The following DNM3 variants were observed in gnomAD, a reference collection of about 807,000 sequenced individuals.
DNM3 encodes dynamin 3.
Under a neutral mutation model 101.6 loss-of-function variants are expected in DNM3, and 47 were observed. The observed-to-expected ratio is 0.46, with a 90% CI of 0.37 to 0.59. DNM3 has a LOEUF of 0.59. Ranked by LOEUF, DNM3 falls within the 20% of genes least tolerant of loss-of-function variation. The pLI, the probability that DNM3 is intolerant of heterozygous loss-of-function variation, is 0.00. For synonymous variants in DNM3, 385 were observed against 387.9 expected, an observed-to-expected ratio of 0.99 and a Z score of 0.09; for missense variants, 849 against 1,085.7, an observed-to-expected ratio of 0.78 and a Z score of 3.06.
intron 14 of DNM3, among the ~76,000 whole-genome samples, chr1:172,166,436 A>G (rs1163316119): frequency 3.3e-5 from 5 of 152,102 alleles, no homozygotes; most frequent in Admixed American, 2.6e-4. Context: ...TTGCCATCAT[A>G]GTGATCACAT....
chr1:172,073,312 T>C lies in DNM3; in HGVS notation c.1422+4407T>C, dbSNP rs932546641. Among the ~76,000 whole-genome samples, 5 of 152,068 alleles carry C rather than the reference T, an allele frequency of 3.3e-5. No individual in the cohort carries two copies. In the East Asian group the frequency reaches 7.7e-4, roughly 24 times the overall value. ...ATACACATATAAGTATATGTGTACA[T>C]ATTTGAACATATGTGCATATGTGTA... On this transcript the variant is annotated intron_variant, in intron 11 of 20. Transcript: ENST00000627582.
chr1:172,304,918 C>T (rs985301874), intron 15 of DNM3, among the ~76,000 whole-genome samples: 3 of 152,076 alleles, frequency 2.0e-5, no homozygotes, highest in African/African-American at 7.2e-5. Context: ...TAAATGCCCA[C>T]AAGAGAAAGC....
chr1:171,930,868 A>G (rs895272784), intron 2 of DNM3, among the ~76,000 whole-genome samples: 6 of 152,190 alleles, frequency 3.9e-5, no homozygotes, highest in African/African-American at 1.4e-4. Flanking sequence ...CCTCTCATCA[A>G]TTGTATTTCT....
intron 1 of DNM3, among the ~76,000 whole-genome samples, chr1:171,858,849 A>G (rs1364219293): frequency 1.3e-5 from 2 of 152,112 alleles, no homozygotes; most frequent in Non-Finnish European, 1.5e-5. Flanking sequence ...TACTTTCCAA[A>G]TATGTCTGAA....
rs111654214 is a variant in DNM3 at position 172,016,452 on chromosome 1, C to T, written c.590-15950C>T. Among the ~76,000 whole-genome samples the T allele has an allele frequency of 9.9e-3, 1,506 of 152,226 alleles. 31 individuals are homozygous for T. Among genetic ancestry groups the T allele is most frequent in the African/African-American group, 0.034 (1,432 of 41,520 alleles). On this transcript the variant is annotated intron_variant, in intron 4 of 20. Coordinates refer to ENST00000627582, the MANE Select transcript of DNM3 (RefSeq NM_015569.5). ...AATTGATTTTCAAATGTTTAACTGGCCCAGTATTTCTATACTTGGGATAAA... is the reference window on the plus strand; with the variant it reads ...AATTGATTTTCAAATGTTTAACTGGTCCAGTATTTCTATACTTGGGATAAA...
intron 1 of DNM3, among the ~76,000 whole-genome samples, chr1:171,902,048 G>A (rs1026869541): frequency 6.6e-6 from 1 of 152,136 alleles, no homozygotes; most frequent in African/African-American, 2.4e-5. Context: ...TTTTCAATCT[G>A]TATTGCCCTG....
rs555835059 is a variant in DNM3 at position 172,308,604 on chromosome 1, T to G, written c.1770-124T>G. The G allele has an allele frequency of 8.0e-5, 35 of 435,456 alleles. No individual in the cohort carries two copies. In the South Asian group the frequency reaches 2.5e-3, roughly 31 times the overall value. 27.0% of individuals were successfully genotyped at this position (435,456 alleles called of 1,614,324 possible). On this transcript the variant is annotated intron_variant, in intron 15 of 20. Coordinates refer to ENST00000627582, the MANE Select transcript of DNM3 (RefSeq NM_015569.5). ...AAAGTATGAGTTGTTTTTGTTTTCC[T>G]TCAGTGACTGTCAGAAACTGTCCAT...
chr1:172,239,793 T>A lies in DNM3; in HGVS notation c.1660-13780T>A, dbSNP rs568109211. 6.3e-3 allele frequency among the ~76,000 whole-genome samples: 338 copies of A among 53,584 alleles called. 2 individuals are homozygous for A. The highest frequency in any genetic ancestry group is 0.021 in the African/African-American group (318 of 15,310). 35.2% of individuals were successfully genotyped at this position (53,584 alleles called of 152,430 possible). On this transcript the variant is annotated intron_variant, in intron 14 of 20. Coordinates refer to ENST00000627582, the MANE Select transcript of DNM3 (RefSeq NM_015569.5). ...CTTCTTTTCTCCAGCCCTGTCTTTT[T>A]TTTTCTCTTTTTTTTTTTTTTTTTT...
intron 13 of DNM3, among the ~76,000 whole-genome samples, chr1:172,124,979 T>A (rs1377565547): frequency 6.6e-6 from 1 of 152,176 alleles, no homozygotes; most frequent in East Asian, 1.9e-4. Flanking sequence ...ATCCTGAGGA[T>A]GCCTGTGCTC....
chr1:172,185,307 C>T (rs1046386419), intron 14 of DNM3, among the ~76,000 whole-genome samples: 1 of 152,080 alleles, frequency 6.6e-6, no homozygotes, highest in African/African-American at 2.4e-5. Flanking sequence ...ACATTTGTTC[C>T]AATTTTATTC....
At chr1:172,248,093 C>T (rs1453575965) in intron 14 of DNM3, among the ~76,000 whole-genome samples, 1 of 151,714 alleles carries the variant, frequency 6.6e-6, no homozygotes. Flanking sequence ...TTTTTGTATG[C>T]TTTTGAAGTA....
chr1:172,164,912 G>C (rs1287268236), intron 14 of DNM3, among the ~76,000 whole-genome samples: 2 of 152,046 alleles, frequency 1.3e-5, no homozygotes, highest in African/African-American at 4.8e-5. Context: ...AGTTCTTCTA[G>C]TCATTTGTTT....
chr1:172,197,469 A>G (rs979753825), intron 14 of DNM3, among the ~76,000 whole-genome samples: 15 of 152,174 alleles, frequency 9.9e-5, no homozygotes, highest in African/African-American at 3.6e-4. Flanking sequence ...TTTGATAGGA[A>G]TAGCATTGAA....
chr1:172,134,814 G>T (rs2057127519), intron 14 of DNM3, among the ~76,000 whole-genome samples: 1 of 152,138 alleles, frequency 6.6e-6, no homozygotes, highest in African/African-American at 2.4e-5. Flanking sequence ...GTCAGAGAAG[G>T]TTTGTGTTAA....
intron 16 of DNM3, 75 bp from the exon 17 acceptor site, chr1:172,323,254 A>G: frequency 6.9e-7 from 1 of 1,457,018 alleles, no homozygotes. Context: ...AAGTAGAAGA[A>G]AAAACCCTCA....
Position 171,841,522 on chromosome 1 carries a change from G to A in DNM3, c.-135G>A, listed in dbSNP as rs1025947972. The A allele has an allele frequency of 2.4e-6, 3 of 1,251,902 alleles. No homozygotes were observed. In the Admixed American group the frequency reaches 1.0e-4, roughly 42 times the overall value. The allele number at this position is 1,251,902 out of a possible 1,614,324, so 77.5% of individuals were successfully genotyped here. A position where few individuals can be genotyped will look rare whatever the true frequency, so the allele number is the denominator to read the frequency against. Reference sequence around the variant, plus strand: ...CAGAGCCAAGCGGCGGGCTGGCGGCGGGCTCCGACGTCTGCGCCAGGACCT... The same window carrying A: ...CAGAGCCAAGCGGCGGGCTGGCGGCAGGCTCCGACGTCTGCGCCAGGACCT... On this transcript the variant is annotated 5_prime_UTR_variant, in exon 1 of 21. Coordinates refer to ENST00000627582, the MANE Select transcript of DNM3 (RefSeq NM_015569.5).
intron 13 of DNM3, among the ~76,000 whole-genome samples, chr1:172,130,752 T>A (rs1485852404): frequency 1.3e-5 from 2 of 152,196 alleles, no homozygotes. Context: ...GAAATCCTAA[T>A]GGGCTGCAAA....
chr1:172,027,141 C>A (rs1477650604), intron 4 of DNM3, among the ~76,000 whole-genome samples: 1 of 152,180 alleles, frequency 6.6e-6, no homozygotes, highest in Non-Finnish European at 1.5e-5. Flanking sequence ...ACTGCAAAAA[C>A]ATACCAAATT....
At chr1:172,370,029 A>C (rs2068241039) in intron 17 of DNM3, among the ~76,000 whole-genome samples, 1 of 151,868 alleles carries the variant, frequency 6.6e-6, no homozygotes, top group Admixed American at 6.6e-5. Flanking sequence ...TTTTAACTTA[A>C]TTACTTCTTT....
Sources: allele counts gnomAD v4.1 joint callset (sites outside exome capture counted in the v4.1 genomes callset), GRCh38; gene constraint gnomAD v4.1.1; transcripts MANE v1.5; gene names NCBI Gene and HGNC (gene_info 2026-07-23, HGNC 2026-07-21).